TEX26: variants seen among roughly 807,000 people sequenced by gnomAD.
TEX26 encodes testis-expressed protein 26.
A neutral mutation model predicts 35.3 loss-of-function variants in TEX26; 34 were observed. That is an observed-to-expected ratio of 0.96 (90% CI 0.73 to 1.28). TEX26 has a LOEUF of 1.28. Ranked by LOEUF, TEX26 falls within the 50% of genes most tolerant of loss-of-function variation. The pLI is 0.00. For synonymous variants in TEX26, 136 were observed against 111.8 expected, an observed-to-expected ratio of 1.22 and a Z score of -1.36; for missense variants, 371 against 330.1, an observed-to-expected ratio of 1.12 and a Z score of -0.96.
chr13:30,936,778 T>A (rs1953288578), intron 1 of TEX26: 1 of 985,266 alleles, frequency 1.0e-6, no homozygotes, highest in South Asian at 4.7e-5. Context: ...TAGGAAGACG[T>A]AATCACAGGA....
chr13:30,947,456 T>A (rs186161810), intron 2 of TEX26, among the ~76,000 whole-genome samples: 1 of 152,298 alleles, frequency 6.6e-6, no homozygotes, highest in East Asian at 1.9e-4. Context: ...TTCTGAATTA[T>A]GTCCCAGAAA....
chr13:30,937,959 T>G (rs1953335815), intron 1 of TEX26, among the ~76,000 whole-genome samples: 1 of 152,220 alleles, frequency 6.6e-6, no homozygotes, highest in African/African-American at 2.4e-5. Context: ...GAGCTCCCTA[T>G]GCTAAGCAGT....
At chr13:30,937,403 GTT>G (rs1188859036) in intron 1 of TEX26, among the ~76,000 whole-genome samples, 1 of 152,198 alleles carries the variant, frequency 6.6e-6, no homozygotes, top group Admixed American at 6.5e-5. Context: ...TGTTAGAGTT[GTT>G]TGCCTTAGAA....
At chr13:30,946,275 G>A (rs1251517053) in intron 2 of TEX26, among the ~76,000 whole-genome samples, 2 of 151,772 alleles carry the variant, frequency 1.3e-5, no homozygotes, top group Non-Finnish European at 2.9e-5. Context: ...TTCCCTAAAT[G>A]TGTCTTTCAT....
chr13:30,971,439 TACAG>T (rs1954708157), intron 6 of TEX26, among the ~76,000 whole-genome samples: 1 of 151,972 alleles, frequency 6.6e-6, no homozygotes, highest in Non-Finnish European at 1.5e-5. Context: ...GAGAAAGAGA[TACAG>T]AGAGAGAGAA....
At chr13:30,939,109 T>G (rs1953381907) in intron 1 of TEX26, among the ~76,000 whole-genome samples, 1 of 152,250 alleles carries the variant, frequency 6.6e-6, no homozygotes, top group African/African-American at 2.4e-5. Flanking sequence ...AACAAAATGT[T>G]GATAACTGAA....
rs761329101 is a variant in TEX26, at chr13:30,952,732, T to G, written c.219T>G (p.Ser73Arg). The G allele has an allele frequency of 6.2e-7, 1 of 1,612,902 alleles. No individual in the cohort carries two copies. The highest frequency in any genetic ancestry group is 1.1e-5 in the South Asian group (1 of 90,908). Residue 73 changes from serine to arginine, a missense_variant, in exon 3 of 7, where the codon AGT becomes AGG. By Grantham distance (110) the Ser-to-Arg change is moderately radical (BLOSUM62 -1). Transcript: ENST00000380473. ...CTATTCTCAATCAGACACAATATAG[T>G]GATGAGTACACTTGGAAATCACACT... The part of the protein sequence containing the change: ...SDPILNQTQY[S>R]DEYTWKSHSK...
rs1445648704 is a variant in TEX26 at position 30,939,757 on chromosome 13, G to A, written c.125G>A (p.Gly42Glu). Residue 42 changes from glycine to glutamate, a missense_variant, in exon 2 of 7, where the codon GGA becomes GAA. Gly to Glu is a moderately conservative substitution (Grantham distance 98). Transcript: ENST00000380473. ...TMRTAFTPKT[G>E]AVPALIRQNG... ...AGGACTGCATTCACGCCTAAAACAG[G>A]AGCAGTGCCTGCCTTAATTCGGTAG... 1.2e-6 allele frequency: 2 copies of A among 1,613,968 alleles called. No homozygotes were observed. Among genetic ancestry groups the A allele is most frequent in the Non-Finnish European group, 1.7e-6 (2 of 1,179,906 alleles).
chr13:30,945,174 T>G (rs1471998233), intron 2 of TEX26, among the ~76,000 whole-genome samples: 2 of 152,018 alleles, frequency 1.3e-5, no homozygotes, highest in Admixed American at 6.6e-5. Context: ...CTTGTTGGAT[T>G]AATCCTTTTA....
At chr13:30,939,452 A>C (rs1371610901) in intron 1 of TEX26, among the ~76,000 whole-genome samples, 2 of 152,346 alleles carry the variant, frequency 1.3e-5, no homozygotes, top group East Asian at 3.9e-4. Flanking sequence ...TTAATTCTTT[A>C]AAATAGCATG....
intron 2 of TEX26, among the ~76,000 whole-genome samples, chr13:30,950,573 G>C (rs560066359): frequency 2.0e-5 from 3 of 152,134 alleles, no homozygotes; most frequent in Non-Finnish European, 2.9e-5. Flanking sequence ...TCTCTCAGAG[G>C]CCTCTCCCTA....
chr13:30,969,646 G>A (rs75286824), intron 6 of TEX26, among the ~76,000 whole-genome samples: 1,859 of 152,256 alleles, frequency 0.012, 30 homozygotes, highest in African/African-American at 0.042. Context: ...GAGCGCTTGA[G>A]GAGAGGAAAC....
chr13:30,955,368 C>A (rs1289006596), intron 3 of TEX26, among the ~76,000 whole-genome samples: 2 of 152,190 alleles, frequency 1.3e-5, no homozygotes, highest in African/African-American at 4.8e-5. Context: ...TGTTAAACAA[C>A]AAATGCATAC....
intron 2 of TEX26, among the ~76,000 whole-genome samples, chr13:30,942,135 A>G (rs975151864): frequency 6.6e-6 from 1 of 152,206 alleles, no homozygotes; most frequent in African/African-American, 2.4e-5. Flanking sequence ...CCATCAGGGT[A>G]TAAGTGTTCT....
chr13:30,967,949 A>T (rs2138337004), intron 5 of TEX26, among the ~76,000 whole-genome samples: 1 of 152,272 alleles, frequency 6.6e-6, no homozygotes, highest in Non-Finnish European at 1.5e-5. Flanking sequence ...GAAGTCCCTT[A>T]CTGTGCCATC....
At chr13:30,935,543 T>A (rs1400923522) in intron 1 of TEX26, among the ~76,000 whole-genome samples, 2 of 152,248 alleles carry the variant, frequency 1.3e-5, no homozygotes, top group Non-Finnish European at 2.9e-5. Flanking sequence ...GTATGCTCTC[T>A]GCTGATAGCT....
intron 2 of TEX26, among the ~76,000 whole-genome samples, chr13:30,951,945 CT>C (rs71096306): frequency 2.4e-5 from 3 of 122,966 alleles, no homozygotes; most frequent in African/African-American, 9.4e-5. Flanking sequence ...AGAAAGAGAA[CT>C]TTTTTTTTTT....
Position 30,968,970 on chromosome 13 carries a change from C to G in TEX26, c.732C>G (p.Tyr244Ter). 6.2e-7 allele frequency: 1 copy of G among 1,614,020 alleles called. No individual in the cohort carries two copies. Among genetic ancestry groups the G allele is most frequent in the African/African-American group, 1.3e-5 (1 of 75,014 alleles). ...TTYQSDYDKT[Y>*]PDFLMLLNSF... The stretch of plus-strand genomic sequence containing the variant: ...ACCAAAGTGACTACGACAAAACCTA[C>G]CCAGATTTCTTAATGCTTTTAAACT... The change falls in exon 6 of 7, where the codon TAC (tyrosine) becomes TAG (stop). Residue 244 changes from tyrosine to a stop codon, truncating the protein, a stop_gained. Coordinates refer to ENST00000380473, the MANE Select transcript of TEX26 (RefSeq NM_152325.3). LOFTEE classifies it high-confidence loss of function.
intron 2 of TEX26, among the ~76,000 whole-genome samples, chr13:30,947,294 A>T (rs936219670): frequency 1.2e-4 from 19 of 152,270 alleles, no homozygotes; most frequent in Admixed American, 1.2e-3. Context: ...TTTCAGAATG[A>T]AACTGCACTC....
Sources: allele counts gnomAD v4.1 joint callset (sites outside exome capture counted in the v4.1 genomes callset), GRCh38; gene constraint gnomAD v4.1.1; transcripts MANE v1.5; gene names NCBI Gene and HGNC (gene_info 2026-07-23, HGNC 2026-07-21).